HTR1F: variants seen among roughly 807,000 people sequenced by gnomAD.
HTR1F encodes 5-hydroxytryptamine receptor 1F.
In HTR1F, 17 loss-of-function variants were observed where a neutral mutation model predicts 24.0. That is an observed-to-expected ratio of 0.71 (90% confidence interval 0.48 to 1.06). The LOEUF (loss-of-function observed/expected upper bound fraction) is 1.06, where lower values mean the gene tolerates loss of function less well. Ranked by LOEUF, HTR1F falls within the 50% of genes least tolerant of loss-of-function variation. The probability of loss-of-function intolerance (pLI) is 0.00; values close to 1 mark genes in which losing one functional copy is unlikely to be tolerated. For missense variants in HTR1F, 391 were observed against 427.8 expected (o/e 0.91, Z 0.76); for synonymous variants, 186 against 156.8 (o/e 1.19, Z -1.39).
intron 2 of HTR1F, among the ~76,000 whole-genome samples, chr3:87,904,771 T>C (rs1703621849): frequency 6.6e-6 from 1 of 152,062 alleles, no homozygotes; most frequent in Non-Finnish European, 1.5e-5. Context: ...CATTATTCCA[T>C]TTTTCAAATA....
At chr3:87,966,427 A>C (rs1374886410) in intron 2 of HTR1F, among the ~76,000 whole-genome samples, 1 of 152,202 alleles carries the variant, frequency 6.6e-6, no homozygotes, top group African/African-American at 2.4e-5. Context: ...AGCTTTTTCT[A>C]TCCAAAGAAG....
chr3:87,890,663 G>A (rs1200812184), intron 2 of HTR1F, among the ~76,000 whole-genome samples: 4 of 150,832 alleles, frequency 2.7e-5, no homozygotes, highest in African/African-American at 4.9e-5. Context: ...GATAAATACC[G>A]CCAGTAATGT....
At chr3:87,826,340 A>G (rs567730954) in intron 2 of HTR1F, among the ~76,000 whole-genome samples, 13 of 152,294 alleles carry the variant, frequency 8.5e-5, no homozygotes, top group South Asian at 4.1e-4. Flanking sequence ...TCATACATCA[A>G]TGATTGATTT....
chr3:87,828,956 A>G (rs770234464), intron 2 of HTR1F, among the ~76,000 whole-genome samples: 3 of 152,040 alleles, frequency 2.0e-5, no homozygotes, highest in Non-Finnish European at 4.4e-5. Flanking sequence ...GGTGCTTTTC[A>G]TCAACAGAAA....
chr3:87,948,136 G>A (rs1374985336), intron 2 of HTR1F, among the ~76,000 whole-genome samples: 10 of 152,034 alleles, frequency 6.6e-5, no homozygotes, highest in South Asian at 4.2e-4. Flanking sequence ...GTAAAATAAA[G>A]TATTTAGCCT....
At chr3:87,905,504 C>T (rs1389196928) in intron 2 of HTR1F, among the ~76,000 whole-genome samples, 1 of 152,010 alleles carries the variant, frequency 6.6e-6, no homozygotes, top group African/African-American at 2.4e-5. Context: ...TTAGGAGCAA[C>T]AGAAACTTGG....
chr3:87,821,169 C>G (rs1006013114), intron 1 of HTR1F, among the ~76,000 whole-genome samples: 4 of 152,060 alleles, frequency 2.6e-5, no homozygotes, highest in Non-Finnish European at 5.9e-5. Flanking sequence ...AAATTAAATA[C>G]GTTGTTTAGA....
intron 2 of HTR1F, among the ~76,000 whole-genome samples, chr3:87,931,956 A>C (rs1442692290): frequency 6.6e-6 from 1 of 152,046 alleles, no homozygotes; most frequent in Non-Finnish European, 1.5e-5. Flanking sequence ...CCTTTGTCAG[A>C]TGAGTGGGTT....
rs185974870 is a variant in HTR1F, at chr3:87,820,764, G to A, written c.-159-1244G>A. Among the ~76,000 whole-genome samples, 40 of 151,826 alleles carry A rather than the reference G, an allele frequency of 2.6e-4. 2 individuals carry two copies. The East Asian group carries it at 7.6e-3, about 29-fold the overall frequency. On this transcript the variant is annotated intron_variant, in intron 1 of 2. Coordinates refer to ENST00000319595, the MANE Select transcript of HTR1F (RefSeq NM_001322209.2). The stretch of plus-strand genomic sequence containing the variant: ...CATTACCAGTTTTCTTTCTTAATGG[G>A]GAAGGAATAAACATAAAATAAAGTG...
chr3:87,807,446 G>A (rs2919256), intron 1 of HTR1F, among the ~76,000 whole-genome samples: 20,778 of 151,804 alleles, frequency 0.14, 4,428 homozygotes, highest in African/African-American at 0.46. Context: ...TTAGCATATA[G>A]AAATGATTCT....
At chr3:87,907,383 T>A (rs1703691291) in intron 2 of HTR1F, among the ~76,000 whole-genome samples, 1 of 151,820 alleles carries the variant, frequency 6.6e-6, no homozygotes, top group South Asian at 2.1e-4. Context: ...ATTTTTTTTT[T>A]TGCTGATTTT....
intron 2 of HTR1F, among the ~76,000 whole-genome samples, chr3:87,980,782 G>C (rs1705523748): frequency 6.6e-6 from 1 of 152,154 alleles, no homozygotes; most frequent in Admixed American, 6.5e-5. Context: ...AGGCGGCAGG[G>C]GGCTGTCATA....
chr3:87,839,470 AT>A (rs1028954702), intron 2 of HTR1F, among the ~76,000 whole-genome samples: 2 of 151,952 alleles, frequency 1.3e-5, no homozygotes, highest in African/African-American at 4.8e-5. Flanking sequence ...TTTGTAATAT[AT>A]TTTCATGTTG....
At chr3:87,801,561 G>A (rs1480252750) in intron 1 of HTR1F, among the ~76,000 whole-genome samples, 9 of 152,188 alleles carry the variant, frequency 5.9e-5, no homozygotes, top group Non-Finnish European at 1.5e-5. Context: ...GTCTGGAAAG[G>A]TGGGGCATCT....
chr3:87,822,115 C>T lies in HTR1F; in HGVS notation c.-52C>T, dbSNP rs1704371391. Among the ~76,000 whole-genome samples, 1 of 152,020 alleles carries T rather than the reference C, an allele frequency of 6.6e-6. No homozygotes were observed. Among genetic ancestry groups the T allele is most frequent in the Non-Finnish European group, 1.5e-5 (1 of 68,002 alleles). On this transcript the variant is annotated 5_prime_UTR_variant, in exon 2 of 3. Coordinates refer to ENST00000319595, the MANE Select transcript of HTR1F (RefSeq NM_001322209.2). The stretch of plus-strand genomic sequence containing the variant: ...TGATGAAAACCCACAATTCAATCTA[C>T]CACAGTATGGTAAGCATTCCCAGCT...
At chr3:87,976,995 C>A (rs752664987) in intron 2 of HTR1F, among the ~76,000 whole-genome samples, 14 of 152,176 alleles carry the variant, frequency 9.2e-5, no homozygotes, top group African/African-American at 3.4e-4. Context: ...CCATCTCTAG[C>A]TTGCTAACAT....
intron 1 of HTR1F, among the ~76,000 whole-genome samples, chr3:87,804,412 GA>G (rs1467513019): frequency 1.3e-5 from 2 of 150,306 alleles, no homozygotes; most frequent in Non-Finnish European, 3.0e-5. Flanking sequence ...GCTCAAAAAG[GA>G]AAAAAAAATT....
chr3:87,932,757 C>A, intron 2 of HTR1F, among the ~76,000 whole-genome samples: 1 of 151,328 alleles, frequency 6.6e-6, no homozygotes, highest in Non-Finnish European at 1.5e-5. Context: ...GACTCACAGC[C>A]GAATTCTACC....
At chr3:87,814,314 A>C (rs1704212182) in intron 1 of HTR1F, among the ~76,000 whole-genome samples, 1 of 152,204 alleles carries the variant, frequency 6.6e-6, no homozygotes, top group Non-Finnish European at 1.5e-5. Flanking sequence ...TGGAACATGA[A>C]ATATGTATAC....
Sources: allele counts gnomAD v4.1 joint callset (sites outside exome capture counted in the v4.1 genomes callset), GRCh38; gene constraint gnomAD v4.1.1; transcripts MANE v1.5; gene names NCBI Gene and HGNC (gene_info 2026-07-23, HGNC 2026-07-21).